DOCK8: variants seen among roughly 807,000 people sequenced by gnomAD.
DOCK8 encodes dedicator of cytokinesis protein 8.
Under a neutral mutation model 245.6 loss-of-function variants are expected in DOCK8, and 141 were observed. That is an observed-to-expected ratio of 0.57 (90% confidence interval 0.50 to 0.66). DOCK8 has a LOEUF of 0.66. DOCK8 is among the 30% of genes least tolerant of loss of function. The pLI is 0.00. For synonymous variants in DOCK8, 1,168 were observed against 970.2 expected, an observed-to-expected ratio of 1.20 and a Z score of -3.79; for missense variants, 2,965 against 2,603.4, an observed-to-expected ratio of 1.14 and a Z score of -3.02.
At chr9:460,349 T>G (rs1183809292) in intron 46 of DOCK8, 1 of 152,184 alleles carries the variant, frequency 6.6e-6, no homozygotes, top group Non-Finnish European at 1.5e-5. Flanking sequence ...GTTGTCCGAG[T>G]AGACTTCCCC....
upstream of DOCK8, chr9:212,929 G>T (rs536126024): frequency 6.6e-6 from 1 of 152,204 alleles, no homozygotes; most frequent in Non-Finnish European, 1.5e-5. Flanking sequence ...TCATCCGAAA[G>T]GCTGACATGG....
At chr9:430,321 C>A (rs973224834) in intron 36 of DOCK8, among the ~76,000 whole-genome samples, 3 of 152,090 alleles carry the variant, frequency 2.0e-5, no homozygotes, top group African/African-American at 7.2e-5. Flanking sequence ...TTGCAGTGAG[C>A]CGAGATTGCC....
chr9:334,314 C>G lies in DOCK8; in HGVS notation c.1215C>G (p.Pro405=). 1 of 1,614,126 alleles carries G rather than the reference C, an allele frequency of 6.2e-7. No individual in the cohort carries two copies. Among genetic ancestry groups the G allele is most frequent in the Middle Eastern group, 1.6e-4 (1 of 6,062 alleles). The stretch of plus-strand genomic sequence containing the variant: ...ACCGGATGCCCTTTGCCTGGGCACC[C>G]ATAAGCTTATCAAGCTTCTTCAATG... ...GKYRMPFAWA[P]ISLSSFFNVS... is the part of the protein sequence containing the mutation. The change falls in exon 11 of 48, where the codon CCC becomes CCG. Residue 405 remains proline (P), a synonymous_variant. Transcript: ENST00000432829.
intron 1 of DOCK8, among the ~76,000 whole-genome samples, chr9:262,175 A>G (rs1193603146): frequency 6.6e-6 from 1 of 152,162 alleles, no homozygotes; most frequent in Non-Finnish European, 1.5e-5. Flanking sequence ...AATTAAAAAC[A>G]CAATGAGATA....
At chr9:404,501 A>G (rs905394863) in intron 26 of DOCK8, among the ~76,000 whole-genome samples, 2 of 152,164 alleles carry the variant, frequency 1.3e-5, no homozygotes, top group Non-Finnish European at 2.9e-5. Flanking sequence ...GTAGTATAAA[A>G]GTCATCTAGT....
intron 4 of DOCK8, among the ~76,000 whole-genome samples, chr9:291,038 A>G (rs1425382292): frequency 1.3e-5 from 2 of 152,236 alleles, no homozygotes; most frequent in Non-Finnish European, 2.9e-5. Flanking sequence ...GCAGTCAGAT[A>G]AAATTATGGT....
Position 420,984 on chromosome 9 carries a change from C to G in DOCK8, c.4059C>G (p.Val1353=), listed in dbSNP as rs1417350443. The G allele has an allele frequency of 1.2e-6, 2 of 1,614,184 alleles. No individual in the cohort carries two copies. Among genetic ancestry groups the G allele is most frequent in the Non-Finnish European group, 1.7e-6 (2 of 1,180,036 alleles). ...GTTCTGACAAAGTCAGTACCCAAGT[C>G]CTGCAGAAGTCAAGGGATGTCAAGG... The part of the protein sequence containing the change: ...KQSSDKVSTQ[V]LQKSRDVKAR... Residue 1353 remains valine, a synonymous_variant, in exon 32 of 48, where the codon GTC becomes GTG. Coordinates refer to ENST00000432829, the MANE Select transcript of DOCK8 (RefSeq NM_203447.4).
intron 26 of DOCK8, among the ~76,000 whole-genome samples, chr9:400,951 C>G (rs1292358576): frequency 1.4e-5 from 1 of 72,538 alleles, no homozygotes; most frequent in Admixed American, 1.4e-4. Context: ...CCACCATCAC[C>G]ACCACCACCA....
chr9:367,774 C>G (rs1321964065), intron 14 of DOCK8, among the ~76,000 whole-genome samples: 1 of 152,144 alleles, frequency 6.6e-6, no homozygotes, highest in East Asian at 1.9e-4. Flanking sequence ...TGAAGACTTT[C>G]TAAGCTGCAG....
chr9:434,006 C>A lies in DOCK8; in HGVS notation c.4886+31C>A, dbSNP rs755109956. 3 of 1,500,978 alleles carry A rather than the reference C, an allele frequency of 2.0e-6. No homozygotes were observed. The African/African-American group carries it at 4.1e-5, about 21-fold the overall frequency. 93.0% of individuals were successfully genotyped at this position (1,500,978 alleles called of 1,614,324 possible). A position where few individuals can be genotyped will look rare whatever the true frequency, so the allele number is the denominator to read the frequency against. On this transcript the variant is annotated intron_variant, in intron 38 of 47. Coordinates refer to ENST00000432829, the MANE Select transcript of DOCK8 (RefSeq NM_203447.4). ...CTTTCCTGACACACTCAAGGGACAC[C>A]ATTTGGGGGTCGAGGATTTGTCACT...
At chr9:386,947 A>T (rs138728434) in intron 23 of DOCK8, among the ~76,000 whole-genome samples, 11 of 152,330 alleles carry the variant, frequency 7.2e-5, no homozygotes, top group African/African-American at 2.6e-4. Context: ...CTTACCTATG[A>T]GTTCAGAAAC....
At chr9:441,103 T>G (rs1414179313) in intron 40 of DOCK8, among the ~76,000 whole-genome samples, 183 bp from the exon 41 acceptor site, 1 of 152,168 alleles carries the variant, frequency 6.6e-6, no homozygotes, top group East Asian at 1.9e-4. Flanking sequence ...GCGAGGTGTC[T>G]AGTTCAGTTT....
chr9:305,719 C>T (rs1318867960), intron 5 of DOCK8, among the ~76,000 whole-genome samples: 1 of 152,154 alleles, frequency 6.6e-6, no homozygotes, highest in Admixed American at 6.5e-5. Flanking sequence ...CTCCAGCAAA[C>T]ACTCTAACAA....
chr9:309,847 C>T (rs2050018671), intron 5 of DOCK8, among the ~76,000 whole-genome samples: 1 of 152,164 alleles, frequency 6.6e-6, no homozygotes, highest in African/African-American at 2.4e-5. Flanking sequence ...AAACCAAGTT[C>T]TGAGTGGAGA....
intron 4 of DOCK8, among the ~76,000 whole-genome samples, chr9:303,198 T>C (rs1477286039): frequency 6.6e-6 from 1 of 151,430 alleles, no homozygotes; most frequent in African/African-American, 2.4e-5. Context: ...TGTTGGAAAT[T>C]AGTTCAGTCA....
At chr9:260,635 A>C (rs1377034544) in intron 1 of DOCK8, among the ~76,000 whole-genome samples, 1 of 152,186 alleles carries the variant, frequency 6.6e-6, no homozygotes, top group Non-Finnish European at 1.5e-5. Flanking sequence ...AGTTTTCTGA[A>C]TTTTTTTGTG....
At position 340,153 on chromosome 9, in the gene DOCK8, C is replaced by G. The variant is rs773355599; in HGVS notation, c.1517-6C>G. ...TTACTAGAACATTCCTATTTTCTCTCTTTAGGCTTGCTAAGACTGGAGATT... is the reference window on the plus strand; with the variant it reads ...TTACTAGAACATTCCTATTTTCTCTGTTTAGGCTTGCTAAGACTGGAGATT... On this transcript the variant is annotated splice_region_variant and splice_polypyrimidine_tract_variant and intron_variant, in intron 13 of 47. Transcript: ENST00000432829. The G allele has an allele frequency of 6.2e-6, 10 of 1,613,972 alleles. No homozygotes were observed. Among genetic ancestry groups the G allele is most frequent in the East Asian group, 2.2e-5 (1 of 44,880 alleles).
intron 30 of DOCK8, among the ~76,000 whole-genome samples, chr9:419,487 G>GT (rs1444341517): frequency 9.2e-5 from 14 of 152,322 alleles, no homozygotes; most frequent in African/African-American, 3.1e-4. Flanking sequence ...AAGTTCACCT[G>GT]TTAGAACATA....
At chr9:312,311 G>C (rs1563910578) in intron 6 of DOCK8, 145 bp downstream of exon 6, 1 of 933,830 alleles carries the variant, frequency 1.1e-6, no homozygotes, top group Non-Finnish European at 1.7e-6. Flanking sequence ...TTTTCACTCA[G>C]GCAAGCCTGT....
Sources: gnomAD v4.1 joint callset for allele counts (sites outside exome capture counted in the v4.1 genomes callset) on GRCh38, gnomAD v4.1.1 for gene constraint, MANE v1.5 for transcripts, NCBI Gene and HGNC (gene_info 2026-07-23, HGNC 2026-07-21) for gene names.